ATP2B2: variants seen among roughly 807,000 people sequenced by gnomAD.
ATP2B2 encodes the protein ATPase plasma membrane Ca2+ transporting 2.
In ATP2B2, 15 loss-of-function variants were observed where a neutral mutation model predicts 120.0. That is an observed-to-expected ratio of 0.12 (90% CI 0.08 to 0.19). ATP2B2 has a LOEUF of 0.19. ATP2B2 is among the 10% of genes least tolerant of loss of function. The pLI is 1.00. For missense variants in ATP2B2, 1,045 were observed against 1,719.8 expected, an observed-to-expected ratio of 0.61 and a Z score of 6.94; for synonymous variants, 694 against 700.3, an observed-to-expected ratio of 0.99 and a Z score of 0.14.
chr3:10,403,809 G>A (rs1402963365), intron 3 of ATP2B2, among the ~76,000 whole-genome samples: 1 of 152,148 alleles, frequency 6.6e-6, no homozygotes, highest in African/African-American at 2.4e-5. Context: ...ACTCACCTGG[G>A]GTCACATGGC....
At chr3:10,382,986 A>G (rs1312864164) in intron 8 of ATP2B2, among the ~76,000 whole-genome samples, 1 of 152,056 alleles carries the variant, frequency 6.6e-6, no homozygotes, top group East Asian at 1.9e-4. Context: ...GAGTCTGGAA[A>G]GCCTGTTAAA....
chr3:10,611,644 A>C (rs1008451463), intron 2 of ATP2B2, among the ~76,000 whole-genome samples: 3 of 151,998 alleles, frequency 2.0e-5, no homozygotes, highest in Non-Finnish European at 4.4e-5. Context: ...GTCCTCACCC[A>C]GGATCTCCCA....
At chr3:10,441,690 C>T (rs142040966) in intron 2 of ATP2B2, among the ~76,000 whole-genome samples, 122 of 152,302 alleles carry the variant, frequency 8.0e-4, no homozygotes, top group African/African-American at 2.6e-3. Flanking sequence ...GGGTCTCTTC[C>T]CAGAAGAGTA....
chr3:10,450,775 G>A (rs1311048027), intron 1 of ATP2B2, among the ~76,000 whole-genome samples: 2 of 152,142 alleles, frequency 1.3e-5, no homozygotes, highest in African/African-American at 2.4e-5. Flanking sequence ...CTGCCCGCCC[G>A]GCCACCCTTA....
intron 2 of ATP2B2, among the ~76,000 whole-genome samples, chr3:10,432,586 C>T (rs1170300239): frequency 6.6e-6 from 1 of 152,250 alleles, no homozygotes; most frequent in Non-Finnish European, 1.5e-5. Context: ...ACACTTTCCC[C>T]TCGCCTAGGT....
intron 2 of ATP2B2, among the ~76,000 whole-genome samples, chr3:10,545,325 T>G (rs1185264530): frequency 1.3e-5 from 2 of 151,852 alleles, no homozygotes; most frequent in South Asian, 2.1e-4. Flanking sequence ...AGGTCAGGAG[T>G]TCGAGACCAG....
chr3:10,657,856 C>T (rs1476591781), intron 1 of ATP2B2, among the ~76,000 whole-genome samples: 1 of 152,242 alleles, frequency 6.6e-6, no homozygotes, highest in Non-Finnish European at 1.5e-5. Flanking sequence ...CTAGTAGGGG[C>T]AGACTGACAC....
chr3:10,660,898 C>T (rs922222468), intron 1 of ATP2B2, among the ~76,000 whole-genome samples: 1 of 152,152 alleles, frequency 6.6e-6, no homozygotes, highest in African/African-American at 2.4e-5. Context: ...GCTTATCTAC[C>T]ATGATCAAGT....
intron 3 of ATP2B2, among the ~76,000 whole-genome samples, chr3:10,524,162 C>A (rs1247542089): frequency 1.3e-5 from 2 of 152,124 alleles, no homozygotes; most frequent in Non-Finnish European, 2.9e-5. Flanking sequence ...CTGCCCTGGA[C>A]CCAGGAGGTA....
At position 10,340,956 on chromosome 3, in the gene ATP2B2, C is replaced by T. The variant is rs888158281; in HGVS notation, c.2918-252G>A. ...CTGTCTTCCACTTTTTCTGTGGAAA[C>T]CCGATAAAGGTGGACGGCCGGCTGT... On this transcript the variant is annotated intron_variant, in intron 19 of 22. Transcript: ENST00000360273. This position sits in a 1 kb window ranked among gnomAD's most constrained non-coding sequence, Gnocchi z 5.0. Among the ~76,000 whole-genome samples, 5 of 152,102 alleles carry T rather than the reference C, an allele frequency of 3.3e-5. No homozygotes were observed. The highest frequency in any genetic ancestry group is 1.2e-4 in the African/African-American group (5 of 41,424).
At chr3:10,525,479 T>C (rs1284949326) in intron 3 of ATP2B2, among the ~76,000 whole-genome samples, 1 of 152,244 alleles carries the variant, frequency 6.6e-6, no homozygotes, top group Non-Finnish European at 1.5e-5. Context: ...ATTAGAATGA[T>C]ACCTTTCTCA....
intron 14 of ATP2B2, among the ~76,000 whole-genome samples, chr3:10,357,153 G>T (rs1404791662): frequency 6.6e-6 from 1 of 152,178 alleles, no homozygotes; most frequent in Non-Finnish European, 1.5e-5. Context: ...CTACTGAAGA[G>T]GGCATGAAGG....
chr3:10,382,164 T>C (rs1030366101), intron 8 of ATP2B2, among the ~76,000 whole-genome samples: 15 of 151,724 alleles, frequency 9.9e-5, no homozygotes, highest in Non-Finnish European at 1.6e-4. Flanking sequence ...TTGCTGGGAA[T>C]ATAGATGTGT....
intron 3 of ATP2B2, among the ~76,000 whole-genome samples, chr3:10,533,835 A>G (rs2067257183): frequency 2.0e-5 from 3 of 152,192 alleles, no homozygotes; most frequent in African/African-American, 4.8e-5. Flanking sequence ...TCCTAATTCA[A>G]ATGCCATAGG....
At chr3:10,397,558 A>G (rs2062079308) in intron 5 of ATP2B2, among the ~76,000 whole-genome samples, 2 of 152,148 alleles carry the variant, frequency 1.3e-5, no homozygotes. Context: ...GGAAGCCTTC[A>G]TGGAGGAGGT....
Position 10,350,705 on chromosome 3 carries a change from G to A in ATP2B2, c.2137-128C>T, listed in dbSNP as rs547101263. On this transcript the variant is annotated intron_variant, in intron 14 of 22. Coordinates refer to ENST00000360273, the MANE Select transcript of ATP2B2 (RefSeq NM_001001331.4). ...AAAGGGGACTAGATGACTATGAGAT[G>A]CTGATGACGCACATGGCATATGGGC... 32 of 979,720 alleles carry A rather than the reference G, an allele frequency of 3.3e-5. No homozygotes were observed. In the South Asian group the frequency reaches 4.7e-4, roughly 15 times the overall value. 60.7% of individuals were successfully genotyped at this position (979,720 alleles called of 1,614,324 possible).
chr3:10,411,740 G>A lies in ATP2B2; in HGVS notation c.200-925C>T, dbSNP rs146416084. ...AGAGCAGCTCACCAGACAGAAGAGT[G>A]CCCACTTAGGAGTGGCCCTCACCGT... is the stretch of plus-strand genomic sequence containing the variant. On this transcript the variant is annotated intron_variant, in intron 2 of 22. Transcript: ENST00000360273. Among the ~76,000 whole-genome samples, 466 of 152,324 alleles carry A rather than the reference G, an allele frequency of 3.1e-3. 3 individuals carry two copies. The highest frequency in any genetic ancestry group is 0.011 in the African/African-American group (441 of 41,570).
At chr3:10,523,857 T>G (rs995650426) in intron 3 of ATP2B2, among the ~76,000 whole-genome samples, 1 of 143,214 alleles carries the variant, frequency 7.0e-6, no homozygotes, top group Non-Finnish European at 1.5e-5. Context: ...AAAAAAAAAA[T>G]AAAAGAAAGT....
intron 1 of ATP2B2, among the ~76,000 whole-genome samples, chr3:10,665,052 C>CT (rs1463582645): frequency 1.3e-5 from 2 of 152,204 alleles, no homozygotes; most frequent in African/African-American, 4.8e-5. Context: ...TGGTGGCTCC[C>CT]TGTTGGGCTT....
Sources: gnomAD v4.1 joint callset for allele counts (sites outside exome capture counted in the v4.1 genomes callset) on GRCh38, gnomAD v4.1.1 for gene constraint, Gnocchi (gnomAD v3.1) non-coding constraint, MANE v1.5 for transcripts, NCBI Gene and HGNC (gene_info 2026-07-23, HGNC 2026-07-21) for gene names.